RFX4: variants seen among roughly 807,000 people sequenced by gnomAD.
The protein encoded by RFX4 is regulatory factor X4, also known as transcription factor RFX4.
Under a neutral mutation model 95.0 loss-of-function variants are expected in RFX4, and 10 were observed. The ratio of observed to expected loss-of-function variants is 0.11; its 90% CI spans 0.06 to 0.18. RFX4 has a LOEUF of 0.18. RFX4 is among the 10% of genes least tolerant of loss of function. The pLI is 1.00. For synonymous variants in RFX4, 321 were observed against 340.7 expected, an observed-to-expected ratio of 0.94 and a Z score of 0.64; for missense variants, 640 against 922.0, an observed-to-expected ratio of 0.69 and a Z score of 3.96.
At chr12:106,612,404 T>C (rs1267644492) in intron 2 of RFX4, among the ~76,000 whole-genome samples, 1 of 152,254 alleles carries the variant, frequency 6.6e-6, no homozygotes, top group Non-Finnish European at 1.5e-5. Flanking sequence ...CCTTTTCAGA[T>C]TGCTCATTCT....
intron 9 of RFX4, among the ~76,000 whole-genome samples, chr12:106,710,325 T>G (rs951534585): frequency 2.0e-5 from 3 of 152,190 alleles, no homozygotes; most frequent in Non-Finnish European, 2.9e-5. Flanking sequence ...GGCCATCACC[T>G]ATTGATAAAG....
chr12:106,641,977 C>CTATCTA (rs1460663384), intron 3 of RFX4, among the ~76,000 whole-genome samples: 156 of 145,898 alleles, frequency 1.1e-3, no homozygotes, highest in African/African-American at 3.8e-3. Flanking sequence ...CTATCTATAT[C>CTATCTA]TATATCTATA....
In RFX4 at chr12:106,760,459, C is replaced by G. The variant is rs189702251; in HGVS notation, c.1936-738C>G. Among the ~76,000 whole-genome samples, 204 of 152,278 alleles carry G rather than the reference C, an allele frequency of 1.3e-3. 1 individual carries two copies. Among genetic ancestry groups the G allele is most frequent in the African/African-American group, 4.5e-3 (189 of 41,560 alleles). On this transcript the variant is annotated intron_variant, in intron 17 of 17. Transcript: ENST00000392842. The stretch of plus-strand genomic sequence containing the variant: ...CTTGTAGCTACTAACACCTGTTCCT[C>G]TGACCTGCACAAAAGCTCCCCTCCC...
chr12:106,760,219 G>A (rs1010257685), intron 17 of RFX4, among the ~76,000 whole-genome samples: 2 of 152,170 alleles, frequency 1.3e-5, no homozygotes, highest in Non-Finnish European at 2.9e-5. Flanking sequence ...CCTTGTTGGT[G>A]TAGCCCTCAG....
At chr12:106,742,797 T>C (rs1215997724) in intron 15 of RFX4, among the ~76,000 whole-genome samples, 1 of 152,194 alleles carries the variant, frequency 6.6e-6, no homozygotes, top group Non-Finnish European at 1.5e-5. Flanking sequence ...CTCAATTTTC[T>C]CACCTGAAAA....
intron 5 of RFX4, 37 bp downstream of exon 5, chr12:106,682,091 C>T (rs763225606): frequency 6.2e-7 from 1 of 1,606,926 alleles, no homozygotes; most frequent in Non-Finnish European, 8.5e-7. Context: ...GCAGAGCGCA[C>T]ATCTATGGGC....
chr12:106,756,981 G>C (rs924652332), intron 17 of RFX4, among the ~76,000 whole-genome samples: 1 of 152,112 alleles, frequency 6.6e-6, no homozygotes, highest in Non-Finnish European at 1.5e-5. Flanking sequence ...TGAAATGAAT[G>C]AATGACTGGA....
chr12:106,695,879 GC>G (rs2137448384), intron 7 of RFX4, among the ~76,000 whole-genome samples: 1 of 152,246 alleles, frequency 6.6e-6, no homozygotes, highest in Non-Finnish European at 1.5e-5. Context: ...ATACCCAGGG[GC>G]CCCTGAGGTT....
At chr12:106,650,687 C>T (rs1368789082) in intron 3 of RFX4, among the ~76,000 whole-genome samples, 1 of 151,788 alleles carries the variant, frequency 6.6e-6, no homozygotes, top group African/African-American at 2.4e-5. Context: ...GAGATGTCGC[C>T]ATTTCACTCC....
Position 106,750,698 on chromosome 12 carries a change from C to T in RFX4, c.1840C>T (p.Pro614Ser), listed in dbSNP as rs1391691852. The change falls in exon 17 of 18, where the codon CCT becomes TCT. Residue 614 changes from proline (P) to serine (S), a missense_variant. This residue lies in a region of RFX4 where 300 missense variants were observed against 346.8 expected (regional missense o/e 0.87). Transcript: ENST00000392842. ...YNYGSYGNQH[P>S]HPMQSQYPAL... ...CTATGGGAGCTATGGCAACCAGCAT[C>T]CTCACCCCATGCAGAGCCAGTATCC... The T allele has an allele frequency of 6.2e-7, 1 of 1,610,470 alleles. No homozygotes were observed. Among genetic ancestry groups the T allele is most frequent in the Non-Finnish European group, 8.5e-7 (1 of 1,178,548 alleles).
chr12:106,609,134 G>T (rs2039902920), intron 2 of RFX4, among the ~76,000 whole-genome samples: 1 of 152,214 alleles, frequency 6.6e-6, no homozygotes, highest in Admixed American at 6.5e-5. Flanking sequence ...CAGGAGACTT[G>T]CTAGCCTGCA....
intron 7 of RFX4, among the ~76,000 whole-genome samples, chr12:106,692,577 A>C (rs2041805358): frequency 6.6e-6 from 1 of 152,238 alleles, no homozygotes; most frequent in Non-Finnish European, 1.5e-5. Context: ...TTTGCTTGGT[A>C]TTCCTAAGGA....
At chr12:106,628,411 A>G (rs910438165) in intron 2 of RFX4, among the ~76,000 whole-genome samples, 2 of 152,176 alleles carry the variant, frequency 1.3e-5, no homozygotes, top group Non-Finnish European at 2.9e-5. Context: ...TATTAGGAAA[A>G]CAAAATAGAC....
chr12:106,610,714 T>C (rs2039942940), intron 2 of RFX4, among the ~76,000 whole-genome samples: 1 of 152,236 alleles, frequency 6.6e-6, no homozygotes, highest in Non-Finnish European at 1.5e-5. Context: ...CATTAAGACA[T>C]TGATGGGCAA....
intron 2 of RFX4, among the ~76,000 whole-genome samples, chr12:106,610,910 T>C (rs908439855): frequency 1.3e-5 from 2 of 152,242 alleles, no homozygotes; most frequent in African/African-American, 2.4e-5. Flanking sequence ...TCATAGTGGC[T>C]GCGTCATTTT....
At chr12:106,630,996 T>C (rs1592871820) in intron 2 of RFX4, among the ~76,000 whole-genome samples, 1 of 152,230 alleles carries the variant, frequency 6.6e-6, no homozygotes, top group East Asian at 1.9e-4. Flanking sequence ...CTATGTGACC[T>C]CAGACAAATT....
chr12:106,686,747 C>T (rs1186338707), intron 5 of RFX4, 137 bp from the exon 6 acceptor site: 3 of 709,744 alleles, frequency 4.2e-6, no homozygotes, highest in African/African-American at 1.8e-5. Flanking sequence ...ACTCTTCTAT[C>T]CCCAGGTAGG....
At chr12:106,587,867 G>T (rs922182922) in intron 1 of RFX4, among the ~76,000 whole-genome samples, 2 of 152,230 alleles carry the variant, frequency 1.3e-5, no homozygotes, top group Non-Finnish European at 2.9e-5. Flanking sequence ...TTGCGAGTGG[G>T]GATGGGTAAA....
chr12:106,705,196 T>C (rs1056774230), intron 8 of RFX4, among the ~76,000 whole-genome samples: 6 of 152,210 alleles, frequency 3.9e-5, no homozygotes, highest in African/African-American at 1.4e-4. Context: ...AAAGTACATG[T>C]GAAGTGTTCA....
Sources: allele counts gnomAD v4.1 joint callset (sites outside exome capture counted in the v4.1 genomes callset), GRCh38; gene constraint gnomAD v4.1.1; regional missense constraint gnomAD v4.1.1; transcripts MANE v1.5; gene names NCBI Gene and HGNC (gene_info 2026-07-23, HGNC 2026-07-21).